WDFY2: variants seen among roughly 807,000 people sequenced by gnomAD.
WDFY2 encodes the protein WD repeat and FYVE domain containing 2.
A neutral mutation model predicts 56.4 loss-of-function variants in WDFY2; 36 were observed. The ratio of observed to expected loss-of-function variants is 0.64; its 90% CI spans 0.49 to 0.84. The LOEUF (loss-of-function observed/expected upper bound fraction) is 0.84, where lower values mean the gene tolerates loss of function less well. Among genes scored for constraint, WDFY2 ranks in the 40% least tolerant of loss-of-function variants. WDFY2 has a pLI of 0.00. For synonymous variants in WDFY2, 176 were observed against 183.7 expected, an observed-to-expected ratio of 0.96 and a Z score of 0.34; for missense variants, 444 against 512.2, an observed-to-expected ratio of 0.87 and a Z score of 1.29.
At chr13:51,739,505 C>T (rs926944098) in intron 7 of WDFY2, among the ~76,000 whole-genome samples, 1 of 151,958 alleles carries the variant, frequency 6.6e-6, no homozygotes, top group Non-Finnish European at 1.5e-5. Flanking sequence ...AAAATACAAG[C>T]TGTGAAGGCT....
At chr13:51,700,860 G>A (rs1322385052) in intron 3 of WDFY2, among the ~76,000 whole-genome samples, 17 of 152,118 alleles carry the variant, frequency 1.1e-4, no homozygotes, top group African/African-American at 1.7e-4. Flanking sequence ...CCAACTACTC[G>A]GGAGGCTGAG....
chr13:51,641,737 A>G (rs1294151177), intron 1 of WDFY2, among the ~76,000 whole-genome samples: 12 of 147,758 alleles, frequency 8.1e-5, no homozygotes, highest in Admixed American at 4.7e-4. Context: ...GAGGCAGGAG[A>G]ATGACGTGAA....
intron 1 of WDFY2, among the ~76,000 whole-genome samples, chr13:51,657,952 T>C (rs1955541336): frequency 6.6e-6 from 1 of 152,186 alleles, no homozygotes; most frequent in South Asian, 2.1e-4. Context: ...TGTCAATTTC[T>C]TTTTTTCTGT....
chr13:51,673,146 A>G (rs548940203), intron 2 of WDFY2, among the ~76,000 whole-genome samples: 17 of 152,386 alleles, frequency 1.1e-4, no homozygotes, highest in African/African-American at 3.6e-4. Context: ...TGAAAGAATA[A>G]CAAGAAATAT....
At chr13:51,608,629 C>T (rs1408656806) in intron 1 of WDFY2, among the ~76,000 whole-genome samples, 12 of 152,118 alleles carry the variant, frequency 7.9e-5, no homozygotes, top group South Asian at 6.2e-4. Context: ...TGCAGTGAGA[C>T]GAGCTCGCAC....
chr13:51,694,190 G>A (rs1951811502), intron 3 of WDFY2, among the ~76,000 whole-genome samples: 1 of 152,138 alleles, frequency 6.6e-6, no homozygotes, highest in African/African-American at 2.4e-5. Context: ...TACATTTAAA[G>A]TTAATATTTT....
intron 1 of WDFY2, among the ~76,000 whole-genome samples, chr13:51,630,136 G>A (rs1345634361): frequency 1.3e-5 from 2 of 151,990 alleles, no homozygotes; most frequent in African/African-American, 4.8e-5. Flanking sequence ...AATCAACCTG[G>A]AACTACCTTC....
intron 4 of WDFY2, among the ~76,000 whole-genome samples, chr13:51,706,675 A>C (rs996834267): frequency 5.9e-5 from 9 of 152,234 alleles, no homozygotes; most frequent in Non-Finnish European, 1.2e-4. Context: ...ATGTTAAGAA[A>C]TTAACATAAA....
In WDFY2 at chr13:51,735,466, G is replaced by C. The variant is rs143780322; in HGVS notation, c.599-3583G>C. ...AGGTGTTGGGAAGGCTTCCTGGAGG[G>C]AGAAAAAGTTACTTGGGTGATAAAA... On this transcript the variant is annotated intron_variant, in intron 6 of 11. Coordinates refer to ENST00000298125, the MANE Select transcript of WDFY2 (RefSeq NM_052950.4). Among the ~76,000 whole-genome samples, 272 of 152,282 alleles carry C rather than the reference G, an allele frequency of 1.8e-3. 1 individual carries two copies. Among genetic ancestry groups the C allele is most frequent in the Non-Finnish European group, 3.0e-3 (202 of 68,020 alleles).
At chr13:51,752,049 G>C (rs1044701067) in intron 8 of WDFY2, among the ~76,000 whole-genome samples, 5 of 152,008 alleles carry the variant, frequency 3.3e-5, no homozygotes, top group Non-Finnish European at 5.9e-5. Flanking sequence ...AATTATTCTG[G>C]GTAGACTTTC....
In WDFY2 at chr13:51,648,372, G is replaced by T. The variant is rs566208791; in HGVS notation, c.138-12224G>T. On this transcript the variant is annotated intron_variant, in intron 1 of 11. Coordinates refer to ENST00000298125, the MANE Select transcript of WDFY2 (RefSeq NM_052950.4). ...TCTGACAGTGGACAGGTAGGTTGGG[G>T]TGGCCATGGCCATAGGGAGAGATTT... 3.2e-4 allele frequency among the ~76,000 whole-genome samples: 48 copies of T among 152,314 alleles called. No homozygotes were observed. In the South Asian group the frequency reaches 9.7e-3, roughly 31 times the overall value.
chr13:51,729,425 A>G (rs1217527885), intron 6 of WDFY2, among the ~76,000 whole-genome samples: 1 of 151,900 alleles, frequency 6.6e-6, no homozygotes, highest in Non-Finnish European at 1.5e-5. Context: ...AAAAAAAAAA[A>G]AACCACATAT....
chr13:51,658,676 G>C (rs941245437), intron 1 of WDFY2, among the ~76,000 whole-genome samples: 1 of 152,120 alleles, frequency 6.6e-6, no homozygotes, highest in Non-Finnish European at 1.5e-5. Context: ...ATTGTAAAAA[G>C]AACTTGCTTA....
At chr13:51,615,823 ATT>A (rs1954600156) in intron 1 of WDFY2, among the ~76,000 whole-genome samples, 1 of 152,238 alleles carries the variant, frequency 6.6e-6, no homozygotes, top group Admixed American at 6.5e-5. Context: ...AGATTTGGTT[ATT>A]TTTTACTTTT....
At chr13:51,641,825 CAAAAAAAAAA>C (rs750489541) in intron 1 of WDFY2, among the ~76,000 whole-genome samples, 10 of 37,420 alleles carry the variant, frequency 2.7e-4, no homozygotes, top group African/African-American at 3.1e-4. Context: ...GACTCCGTCT[CAAAAAAAAAA>C]AAAAAAAAAA....
At chr13:51,651,820 C>G (rs561773204) in intron 1 of WDFY2, among the ~76,000 whole-genome samples, 1 of 152,170 alleles carries the variant, frequency 6.6e-6, no homozygotes. Context: ...TTACTTCCAA[C>G]TATGTGGTCA....
chr13:51,600,886 G>A (rs1376279163), intron 1 of WDFY2, among the ~76,000 whole-genome samples: 2 of 152,152 alleles, frequency 1.3e-5, no homozygotes, highest in Non-Finnish European at 2.9e-5. Flanking sequence ...GACCTTCATT[G>A]CTATTTTCCG....
At chr13:51,664,309 G>A (rs1005260088) in intron 2 of WDFY2, among the ~76,000 whole-genome samples, 2 of 152,176 alleles carry the variant, frequency 1.3e-5, no homozygotes, top group Non-Finnish European at 2.9e-5. Context: ...CCTGGTTAAG[G>A]CCGTTTGTCC....
intron 2 of WDFY2, among the ~76,000 whole-genome samples, chr13:51,667,580 T>C (rs551386707): frequency 6.6e-6 from 1 of 152,332 alleles, no homozygotes; most frequent in African/African-American, 2.4e-5. Flanking sequence ...GGTGATTGTT[T>C]TCCTGACTTT....
Sources: gnomAD v4.1 joint callset for allele counts (sites outside exome capture counted in the v4.1 genomes callset) on GRCh38, gnomAD v4.1.1 for gene constraint, MANE v1.5 for transcripts, NCBI Gene and HGNC (gene_info 2026-07-23, HGNC 2026-07-21) for gene names.